Variants in TTC27 observed in about 807,000 individuals in gnomAD.
TTC27 encodes the protein tetratricopeptide repeat domain 27.
Under a neutral mutation model 115.9 loss-of-function variants are expected in TTC27, and 79 were observed. The observed-to-expected ratio is 0.68, with a 90% CI of 0.57 to 0.82. The LOEUF (loss-of-function observed/expected upper bound fraction) is 0.82, where lower values mean the gene tolerates loss of function less well. TTC27 is among the 40% of genes least tolerant of loss of function. The probability of loss-of-function intolerance (pLI) is 0.00; values close to 1 mark genes in which losing one functional copy is unlikely to be tolerated. For missense variants in TTC27, 1,054 were observed against 993.1 expected, an observed-to-expected ratio of 1.06 and a Z score of -0.82; for synonymous variants, 401 against 356.0, an observed-to-expected ratio of 1.13 and a Z score of -1.42.
At chr2:32,748,227 A>C (rs1463509551) in intron 12 of TTC27, among the ~76,000 whole-genome samples, 1 of 152,098 alleles carries the variant, frequency 6.6e-6, no homozygotes, top group African/African-American at 2.4e-5. Context: ...TTAAGAGTAT[A>C]TTGTTTAATT....
At chr2:32,629,888 T>C (rs1664108166) in intron 1 of TTC27, among the ~76,000 whole-genome samples, 1 of 152,114 alleles carries the variant, frequency 6.6e-6, no homozygotes. Context: ...GTACTCTGTG[T>C]GTATGTGTGT....
At chr2:32,766,365 CT>C (rs1410316069) in intron 13 of TTC27, 1 of 224,652 alleles carries the variant, frequency 4.5e-6, no homozygotes, top group African/African-American at 2.3e-5. Flanking sequence ...TCATTTCTAG[CT>C]TTTGATTTAA....
At chr2:32,782,111 T>TA (rs1230674231) in intron 14 of TTC27, among the ~76,000 whole-genome samples, 2 of 152,176 alleles carry the variant, frequency 1.3e-5, no homozygotes, top group Admixed American at 6.5e-5. Flanking sequence ...TAAGCTGATT[T>TA]AAAAAAACAT....
chr2:32,649,733 G>A (rs1255594950), intron 4 of TTC27, among the ~76,000 whole-genome samples: 1 of 151,796 alleles, frequency 6.6e-6, no homozygotes, highest in African/African-American at 2.4e-5. Flanking sequence ...TTTAATAGAG[G>A]CAGGGTTTCA....
chr2:32,629,327 T>G (rs2063540349), intron 1 of TTC27, among the ~76,000 whole-genome samples: 1 of 145,506 alleles, frequency 6.9e-6, no homozygotes, highest in African/African-American at 2.6e-5. Context: ...ATCATGTTGG[T>G]CAGGCTGGTC....
intron 17 of TTC27, 151 bp from the exon 18 acceptor site, chr2:32,812,353 C>G (rs1671343149): frequency 3.8e-6 from 2 of 525,536 alleles, no homozygotes; most frequent in Non-Finnish European, 6.8e-6. Context: ...GCATTTCCAC[C>G]CCTTCTTTGG....
chr2:32,709,339 A>T (rs1462497357), intron 10 of TTC27, among the ~76,000 whole-genome samples: 1 of 152,180 alleles, frequency 6.6e-6, no homozygotes, highest in African/African-American at 2.4e-5. Flanking sequence ...TAACCTTGTG[A>T]TTATGGTTAA....
chr2:32,703,766 A>G (rs1667270613), intron 10 of TTC27, among the ~76,000 whole-genome samples: 1 of 152,234 alleles, frequency 6.6e-6, no homozygotes, highest in Non-Finnish European at 1.5e-5. Flanking sequence ...TACCAAGAAA[A>G]ATGGAAAATC....
intron 16 of TTC27, among the ~76,000 whole-genome samples, chr2:32,788,623 C>A (rs912983528): frequency 2.0e-5 from 3 of 152,046 alleles, no homozygotes. Context: ...GTGGGATTTC[C>A]CCTCTAAATC....
intron 10 of TTC27, among the ~76,000 whole-genome samples, chr2:32,715,416 G>T (rs994798129): frequency 1.3e-5 from 2 of 152,100 alleles, no homozygotes; most frequent in Non-Finnish European, 2.9e-5. Context: ...TCTCTATTCT[G>T]TTCCATTGGT....
intron 3 of TTC27, among the ~76,000 whole-genome samples, chr2:32,639,083 TGG>T (rs1559181571): frequency 6.6e-6 from 1 of 152,068 alleles, no homozygotes; most frequent in Non-Finnish European, 1.5e-5. Flanking sequence ...CCGCCCGCCT[TGG>T]CCTCCCAAAG....
intron 12 of TTC27, among the ~76,000 whole-genome samples, chr2:32,741,502 A>G (rs1289177606): frequency 6.6e-6 from 1 of 151,742 alleles, no homozygotes; most frequent in East Asian, 1.9e-4. Flanking sequence ...AAAAAAAAAA[A>G]TTAACCGGAC....
At chr2:32,689,124 A>G (rs897741832) in intron 9 of TTC27, among the ~76,000 whole-genome samples, 6 of 152,286 alleles carry the variant, frequency 3.9e-5, no homozygotes, top group Admixed American at 6.5e-5. Flanking sequence ...ATTCCATTTA[A>G]TGGAAATTCT....
At chr2:32,662,499 G>A (rs1665586715) in intron 5 of TTC27, among the ~76,000 whole-genome samples, 1 of 152,114 alleles carries the variant, frequency 6.6e-6, no homozygotes, top group South Asian at 2.1e-4. Context: ...AGTCTTGGGA[G>A]GGTGTATGCA....
At chr2:32,710,346 A>C (rs773205981) in intron 10 of TTC27, among the ~76,000 whole-genome samples, 3 of 152,084 alleles carry the variant, frequency 2.0e-5, no homozygotes, top group Non-Finnish European at 4.4e-5. Flanking sequence ...AAATAAAATA[A>C]CTAGGTCAGC....
At chr2:32,631,554 T>C (rs1664210278) in intron 2 of TTC27, among the ~76,000 whole-genome samples, 1 of 152,214 alleles carries the variant, frequency 6.6e-6, no homozygotes, top group South Asian at 2.1e-4. Context: ...TTCATTGTTA[T>C]AAATTTGATA....
At chr2:32,660,270 T>A (rs547048658) in intron 5 of TTC27, among the ~76,000 whole-genome samples, 1 of 152,344 alleles carries the variant, frequency 6.6e-6, no homozygotes, top group East Asian at 1.9e-4. Context: ...TGACCAGTGA[T>A]GATGAGCTTT....
At chr2:32,800,326 G>C (rs951606030) in intron 16 of TTC27, among the ~76,000 whole-genome samples, 1 of 150,524 alleles carries the variant, frequency 6.6e-6, no homozygotes, top group African/African-American at 2.4e-5. Flanking sequence ...TAGCTGGCCA[G>C]GCATGCCACC....
intron 10 of TTC27, among the ~76,000 whole-genome samples, chr2:32,730,836 G>T (rs1363078446): frequency 1.3e-5 from 2 of 151,988 alleles, no homozygotes; most frequent in African/African-American, 4.8e-5. Flanking sequence ...TGGCCAGGTT[G>T]TTCTAGAGCT....
Sources: gnomAD v4.1 joint callset for allele counts (sites outside exome capture counted in the v4.1 genomes callset) on GRCh38, gnomAD v4.1.1 for gene constraint, MANE v1.5 for transcripts, NCBI Gene and HGNC (gene_info 2026-07-23, HGNC 2026-07-21) for gene names.